Variants in SERINC5 observed in about 807,000 individuals in gnomAD.
The protein encoded by SERINC5 is serine incorporator 5.
Under a neutral mutation model 63.1 loss-of-function variants are expected in SERINC5, and 41 were observed. The observed-to-expected ratio is 0.65, with a 90% CI of 0.51 to 0.84. The LOEUF is 0.84. SERINC5 is among the 40% of genes least tolerant of loss of function. The probability of loss-of-function intolerance (pLI) is 0.00; values close to 1 mark genes in which losing one functional copy is unlikely to be tolerated. For synonymous variants in SERINC5, 222 were observed against 215.2 expected, an observed-to-expected ratio of 1.03 and a Z score of -0.28; for missense variants, 523 against 573.0, an observed-to-expected ratio of 0.91 and a Z score of 0.89.
At chr5:80,137,164 C>CAAAAAA (rs796274001), downstream of SERINC5, among the ~76,000 whole-genome samples, 1 of 79,082 alleles carries the variant, frequency 1.3e-5, no homozygotes, top group Non-Finnish European at 2.9e-5. Context: ...AAAAAAAAAA[C>CAAAAAA]AAAAAAAACA....
chr5:80,129,496 A>G (rs536670295), intron 11 of SERINC5, among the ~76,000 whole-genome samples: 11 of 152,154 alleles, frequency 7.2e-5, no homozygotes, highest in East Asian at 5.8e-4. Flanking sequence ...TTTTGTAGAG[A>G]CAGGGTCTCA....
At chr5:80,169,223 T>TAAGGAA in intron 6 of SERINC5, 112 bp downstream of exon 6, 1 of 844,054 alleles carries the variant, frequency 1.2e-6, no homozygotes, top group South Asian at 1.7e-5. Context: ...CACAGTAAGT[T>TAAGGAA]AAGGAATACA....
At chr5:80,114,937 T>C (rs1258917502) in intron 11 of SERINC5, among the ~76,000 whole-genome samples, 1 of 151,980 alleles carries the variant, frequency 6.6e-6, no homozygotes, top group Non-Finnish European at 1.5e-5. Flanking sequence ...ACAAGAAATG[T>C]GTGTCTCTGG....
intron 11 of SERINC5, among the ~76,000 whole-genome samples, chr5:80,145,101 G>A (rs1362182944): frequency 6.6e-6 from 1 of 152,044 alleles, no homozygotes; most frequent in Non-Finnish European, 1.5e-5. Context: ...AGCACTTTGG[G>A]AGGCTGAGGC....
At chr5:80,174,827 A>T in intron 5 of SERINC5, 127 bp downstream of exon 5, 1 of 581,656 alleles carries the variant, frequency 1.7e-6, no homozygotes, top group Non-Finnish European at 3.1e-6. Context: ...GTAAATGAAG[A>T]GGTACAAAAA....
chr5:80,174,469 T>C (rs547660338), intron 5 of SERINC5, among the ~76,000 whole-genome samples: 1 of 151,990 alleles, frequency 6.6e-6, no homozygotes, highest in African/African-American at 2.4e-5. Flanking sequence ...ATGACCTTTC[T>C]ATCCTACTGT....
At position 80,227,254 on chromosome 5, in the gene SERINC5, G is replaced by A. The variant is rs148843812; in HGVS notation, c.28-24201C>T. On this transcript the variant is annotated intron_variant, in intron 1 of 11. Transcript: ENST00000507668. ...TAAGCTATACTGACTGAAAAATGAG[G>A]AAAAGACAAAATAAGTAGAGAAAAC... Among the ~76,000 whole-genome samples the A allele has an allele frequency of 8.0e-3, 1,211 of 152,088 alleles. 18 individuals carry two copies. Among genetic ancestry groups the A allele is most frequent in the African/African-American group, 0.026 (1,076 of 41,472 alleles).
intron 1 of SERINC5, among the ~76,000 whole-genome samples, chr5:80,233,960 C>T (rs943933163): frequency 6.6e-6 from 1 of 151,394 alleles, no homozygotes; most frequent in South Asian, 2.1e-4. Flanking sequence ...TACAGGTGCC[C>T]GCCACCATGC....
intron 7 of SERINC5, among the ~76,000 whole-genome samples, 167 bp downstream of exon 7, chr5:80,166,216 T>C (rs1196016983): frequency 2.0e-5 from 3 of 152,208 alleles, no homozygotes; most frequent in Non-Finnish European, 4.4e-5. Flanking sequence ...CTATTTATTT[T>C]GTACCCATTA....
At chr5:80,173,225 AGAAGGAAGGAAGGAAG>A (rs58622143) in intron 5 of SERINC5, among the ~76,000 whole-genome samples, 2,325 of 137,824 alleles carry the variant, frequency 0.017, 52 homozygotes, top group African/African-American at 0.048. Context: ...CAGGAAGGAA[AGAAGGAAGGAAGGAAG>A]GAAGGAAGGA....
intron 5 of SERINC5, among the ~76,000 whole-genome samples, chr5:80,174,456 C>T (rs533988724): frequency 6.6e-6 from 1 of 151,472 alleles, no homozygotes; most frequent in East Asian, 1.9e-4. Flanking sequence ...GGTTGCCAGG[C>T]CCATGACCTT....
At chr5:80,191,805 G>C (rs1019146899) in intron 2 of SERINC5, among the ~76,000 whole-genome samples, 4 of 150,500 alleles carry the variant, frequency 2.7e-5, no homozygotes, top group African/African-American at 9.8e-5. Flanking sequence ...TTCTTACCTA[G>C]TCTACCCACT....
intron 1 of SERINC5, among the ~76,000 whole-genome samples, chr5:80,208,751 G>T (rs1279377223): frequency 1.3e-5 from 2 of 152,186 alleles, no homozygotes; most frequent in Non-Finnish European, 2.9e-5. Context: ...TTTCCAAAAA[G>T]ACACAGAGAT....
At chr5:80,136,921 A>C (rs1745201693), downstream of SERINC5, among the ~76,000 whole-genome samples, 1 of 152,078 alleles carries the variant, frequency 6.6e-6, no homozygotes, top group African/African-American at 2.4e-5. Flanking sequence ...AGATCACTTG[A>C]GGTCAGGAGT....
chr5:80,246,930 G>A (rs770245680), intron 1 of SERINC5, among the ~76,000 whole-genome samples: 54 of 152,210 alleles, frequency 3.5e-4, no homozygotes, highest in Non-Finnish European at 6.0e-4. Context: ...GATTTAGAGA[G>A]GTAACTTGAT....
intron 11 of SERINC5, among the ~76,000 whole-genome samples, chr5:80,124,675 G>T (rs1325173357): frequency 6.6e-6 from 1 of 152,118 alleles, no homozygotes; most frequent in East Asian, 1.9e-4. Flanking sequence ...TGCAAACCGG[G>T]TTCTCTGGTC....
intron 1 of SERINC5, among the ~76,000 whole-genome samples, chr5:80,242,415 C>T (rs917436644): frequency 2.0e-5 from 3 of 151,784 alleles, no homozygotes; most frequent in East Asian, 2.0e-4. Context: ...GTCAGGAGTT[C>T]GAGACCAGCC....
chr5:80,124,681 T>G (rs908781302), intron 11 of SERINC5, among the ~76,000 whole-genome samples: 9 of 152,172 alleles, frequency 5.9e-5, no homozygotes, highest in Non-Finnish European at 1.3e-4. Flanking sequence ...CCGGGTTCTC[T>G]GGTCCAAATG....
In SERINC5 at chr5:80,139,591, A is replaced by T; in HGVS notation, c.*4072T>A. 6.2e-6 allele frequency: 6 copies of T among 970,162 alleles called. No homozygotes were observed. Among genetic ancestry groups the T allele is most frequent in the Non-Finnish European group, 6.1e-6 (5 of 824,054 alleles). 60.1% of individuals were successfully genotyped at this position (970,162 alleles called of 1,614,324 possible). A position where few individuals can be genotyped will look rare whatever the true frequency, so the allele number is the denominator to read the frequency against. On this transcript the variant is annotated 3_prime_UTR_variant, in exon 12 of 12. Coordinates refer to ENST00000507668, the MANE Select transcript of SERINC5 (RefSeq NM_001174072.3). ...CTCTGTGAAAGAGTTGTTGAGAAAG[A>T]AGAAAAGAGAGAGAGAGAGAAAGGT...
Sources: gnomAD v4.1 joint callset for allele counts (sites outside exome capture counted in the v4.1 genomes callset) on GRCh38, gnomAD v4.1.1 for gene constraint, MANE v1.5 for transcripts, NCBI Gene and HGNC (gene_info 2026-07-23, HGNC 2026-07-21) for gene names.